Variants in SMG1 observed in about 807,000 individuals in gnomAD.
SMG1 encodes the protein SMG1 nonsense mediated mRNA decay associated PI3K related kinase.
A neutral mutation model predicts 419.9 loss-of-function variants in SMG1; 22 were observed. That is an observed-to-expected ratio of 0.05 (90% CI 0.04 to 0.07). The LOEUF is 0.07. Among genes scored for constraint, SMG1 ranks in the 10% least tolerant of loss-of-function variants. The pLI is 1.00. For synonymous variants in SMG1, 1,538 were observed against 1,553.5 expected, an observed-to-expected ratio of 0.99 and a Z score of 0.23; for missense variants, 3,185 against 4,342.0, an observed-to-expected ratio of 0.73 and a Z score of 7.49.
chr16:18,891,033 G>C (rs559006522), intron 4 of SMG1, 112 bp from the exon 5 acceptor site: 26 of 680,648 alleles, frequency 3.8e-5, no homozygotes, highest in African/African-American at 3.1e-4. Context: ...CAGTACTTTA[G>C]TTTCTTTATT....
At chr16:18,888,803 C>G (rs2036751345) in intron 6 of SMG1, among the ~76,000 whole-genome samples, 1 of 145,148 alleles carries the variant, frequency 6.9e-6, no homozygotes, top group African/African-American at 2.6e-5. Context: ...TATTTCAAAT[C>G]TAACTTCAAC....
intron 27 of SMG1, 118 bp downstream of exon 27, chr16:18,859,438 A>C: frequency 1.5e-6 from 1 of 645,612 alleles, no homozygotes; most frequent in Admixed American, 3.0e-5. Context: ...AACTAAAATG[A>C]AGCTATTAGC....
At chr16:18,886,039 T>C (rs2036598754) in intron 6 of SMG1, among the ~76,000 whole-genome samples, 1 of 152,206 alleles carries the variant, frequency 6.6e-6, no homozygotes, top group South Asian at 2.1e-4. Context: ...TTTTCTCTTC[T>C]TCAATGTTTG....
rs2033637913 is a variant in SMG1, at chr16:18,837,300, T to C, written c.7557A>G (p.Leu2519=). The C allele has an allele frequency of 6.2e-7, 1 of 1,614,036 alleles. No homozygotes were observed. The highest frequency in any genetic ancestry group is 1.1e-5 in the South Asian group (1 of 91,084). ...GATGATCCACCCCTTCAGCTCCTTC[T>C]AGAAACTCTATTTCCTCCAGTAGTT... ...QGKLLEEIEF[L]EGAEGVDHPS... The change falls in exon 46 of 63, where the codon CTA becomes CTG. Residue 2519 remains leucine (L), a synonymous_variant. Transcript: ENST00000446231.
In SMG1 at chr16:18,817,402, G is replaced by A. The variant is rs373532511; in HGVS notation, c.9963C>T (p.Asn3321=). ...SLRTRTAEAL[N]LDAALFELIK... ...TTAGTTCAAATAACGCCGCATCCAG[G>A]TTTAAGGCTTCTGCAGTTCTTGTTC... Residue 3321 remains asparagine (N), a synonymous_variant, in exon 57 of 63, where the codon AAC becomes AAT. Coordinates refer to ENST00000446231, the MANE Select transcript of SMG1 (RefSeq NM_015092.5). 2.2e-5 allele frequency: 36 copies of A among 1,605,834 alleles called. No individual in the cohort carries two copies. Among genetic ancestry groups the A allele is most frequent in the Non-Finnish European group, 2.9e-5 (34 of 1,175,706 alleles).
chr16:18,882,300 T>G lies in SMG1; in HGVS notation c.1158A>C (p.Glu386Asp). 6.2e-7 allele frequency: 1 copy of G among 1,609,692 alleles called. No individual in the cohort carries two copies. Among genetic ancestry groups the G allele is most frequent in the Non-Finnish European group, 8.5e-7 (1 of 1,178,690 alleles). Residue 386 changes from glutamate to aspartate, a missense_variant, in exon 10 of 63, where the codon GAA becomes GAC. Glu to Asp is a conservative substitution (Grantham distance 45). This residue lies in a region of SMG1 where 52 missense variants were observed against 69.0 expected (regional missense o/e 0.75). Transcript: ENST00000446231. ...ATGACACTGATGGAGGAGGGACATC[T>G]TCATCCACTGATTCCCCAGAGGCCA... ...SHVASGESVD[E>D]DVPPPSVSLP... is the part of the protein sequence containing the mutation.
rs745568022 is a variant in SMG1, at chr16:18,815,641, G to A, written c.10313C>T (p.Ala3438Val). 4.3e-6 allele frequency: 7 copies of A among 1,613,426 alleles called. No individual in the cohort carries two copies. In the South Asian group the frequency reaches 7.7e-5, roughly 18 times the overall value. Reference sequence around the variant, plus strand: ...AACATCTTCACCATCTGCCAGAGCAGCTTCTTCATCCTAGAATTGATAAAT... The same window carrying A: ...AACATCTTCACCATCTGCCAGAGCAACTTCTTCATCCTAGAATTGATAAAT... ...LLKAMAKDEE[A>V]ALADGEDVPY... Residue 3438 changes from alanine to valine, a missense_variant, in exon 59 of 63, where the codon GCT becomes GTT. Around this residue, in one of 27 missense-constraint regions of SMG1, gnomAD observed 737 missense variants for 846.6 expected, o/e 0.87. Transcript: ENST00000446231.
chr16:18,827,465 T>C (rs1567324984), intron 55 of SMG1, among the ~76,000 whole-genome samples: 1 of 146,160 alleles, frequency 6.8e-6, no homozygotes, highest in African/African-American at 2.5e-5. Context: ...CCTATATATA[T>C]ATATTTTTAT....
chr16:18,907,774 C>A (rs2037623286), intron 1 of SMG1, among the ~76,000 whole-genome samples: 1 of 142,238 alleles, frequency 7.0e-6, no homozygotes, highest in Non-Finnish European at 1.5e-5. Context: ...ATCATTTGAA[C>A]CCGGGAGGCA....
Position 18,836,126 on chromosome 16 carries a change from C to T in SMG1, c.7864G>A (p.Glu2622Lys). ...CTCTGCTGCAGGAGAGCACCAACCT[C>T]CCCCTCCAGCTGCTCGCACTGGCTA... is the stretch of plus-strand genomic sequence containing the variant. Reference protein sequence around the residue: ...LISQCEQLEGEVGALLQQRRS... With the variant: ...LISQCEQLEGKVGALLQQRRS... Residue 2622 changes from glutamate (E) to lysine (K), a missense_variant, in exon 48 of 63, where the codon GAG becomes AAG. Physicochemically the swap from Glu to Lys is moderately conservative, Grantham distance 56. Around this residue, in one of 27 missense-constraint regions of SMG1, gnomAD observed 412 missense variants for 546.6 expected, o/e 0.75. Coordinates refer to ENST00000446231, the MANE Select transcript of SMG1 (RefSeq NM_015092.5). 3 of 1,609,614 alleles carry T rather than the reference C, an allele frequency of 1.9e-6. No individual in the cohort carries two copies. Among genetic ancestry groups the T allele is most frequent in the Non-Finnish European group, 1.7e-6 (2 of 1,177,970 alleles).
At chr16:18,829,177 G>C in intron 54 of SMG1, 109 bp downstream of exon 54, 1 of 869,372 alleles carries the variant, frequency 1.2e-6, no homozygotes, top group Non-Finnish European at 1.7e-6. Flanking sequence ...GGGTTGCTGT[G>C]AGTTCAGGAA....
At position 18,839,871 on chromosome 16, in the gene SMG1, C is replaced by T. The variant is rs35572280; in HGVS notation, c.6772G>A (p.Gly2258Ser). 11 of 1,612,496 alleles carry T rather than the reference C, an allele frequency of 6.8e-6. No individual in the cohort carries two copies. The African/African-American group carries it at 1.1e-4, about 16-fold the overall frequency. The change falls in exon 42 of 63, where the codon GGC becomes AGC. Residue 2258 changes from glycine to serine, a missense_variant. Transcript: ENST00000446231. ...AGCCCAACTGTTTTCAAAGCAGGGC[C>T]AATTTTACTGTAATAAAGTTCACTA... ...RPSELYYSKIGPALKTVGLSL... is the reference protein window; with the variant it reads ...RPSELYYSKISPALKTVGLSL...
intron 1 of SMG1, among the ~76,000 whole-genome samples, chr16:18,911,892 G>A (rs1475563077): frequency 6.6e-6 from 1 of 151,984 alleles, no homozygotes; most frequent in Non-Finnish European, 1.5e-5. Flanking sequence ...GACCAGCCTG[G>A]CCAACATGGT....
chr16:18,838,627 T>C lies in SMG1; in HGVS notation c.7008A>G (p.Arg2336=). The change falls in exon 43 of 63, where the codon AGA becomes AGG. Residue 2336 remains arginine, a synonymous_variant. Coordinates refer to ENST00000446231, the MANE Select transcript of SMG1 (RefSeq NM_015092.5). The part of the protein sequence containing the change: ...MVGYIIGLGD[R]HLDNVLIDMT... ...TATCTATAAGAACATTATCCAGATG[T>C]CTGTCTCCAAGGCCAATTATGTATC... is the stretch of plus-strand genomic sequence containing the variant. 1 of 1,613,738 alleles carries C rather than the reference T, an allele frequency of 6.2e-7. No individual in the cohort carries two copies. Among genetic ancestry groups the C allele is most frequent in the Non-Finnish European group, 8.5e-7 (1 of 1,179,734 alleles).
chr16:18,847,331 G>A (rs538079986), intron 38 of SMG1, 122 bp downstream of exon 38: 5 of 994,494 alleles, frequency 5.0e-6, no homozygotes, highest in Non-Finnish European at 7.6e-6. Flanking sequence ...GTACAATATG[G>A]TGAATGTATT....
rs1055763572 is a variant in SMG1, at chr16:18,832,961, G to T, written c.8771C>A (p.Ala2924Asp). The change falls in exon 51 of 63, where the codon GCT becomes GAT. Residue 2924 changes from alanine (A) to aspartate (D), a missense_variant. This residue lies in a region of SMG1 where 737 missense variants were observed against 846.6 expected (regional missense o/e 0.87). Transcript: ENST00000446231. ...AAMGLEEETH[A>D]HYIDVARLLH... ...TTGCCTGGCAACATCGATGTAATGA[G>T]CATGTGTTTCTTCTTCCAGTCCCAT... The T allele has an allele frequency of 6.2e-7, 1 of 1,613,906 alleles. No homozygotes were observed. The highest frequency in any genetic ancestry group is 8.5e-7 in the Non-Finnish European group (1 of 1,179,834).
At chr16:18,874,560 T>TAA (rs531685275) in intron 13 of SMG1, among the ~76,000 whole-genome samples, 12 of 110,668 alleles carry the variant, frequency 1.1e-4, no homozygotes, top group Non-Finnish European at 1.5e-4. Context: ...TCGAATTACT[T>TAA]AAAAAAAAAA....
rs180927655 is a variant in SMG1, at chr16:18,816,311, A to G, written c.10293T>C (p.Ala3431=). 1.9e-6 allele frequency: 3 copies of G among 1,613,474 alleles called. No individual in the cohort carries two copies. The East Asian group carries it at 6.7e-5, about 36-fold the overall frequency. The stretch of plus-strand genomic sequence containing the variant: ...ATGGTATTAGTCTTACCTTAGCCAT[A>G]GCTTTCAAGAGATGTTTGACATCTC... ...QLGDVKHLLK[A]MAKDEEAALA... is the part of the protein sequence containing the mutation. The change falls in exon 58 of 63, where the codon GCT becomes GCC. Residue 3431 remains alanine (A), a synonymous_variant. Coordinates refer to ENST00000446231, the MANE Select transcript of SMG1 (RefSeq NM_015092.5).
At chr16:18,812,805 T>C (rs1007847416) in intron 60 of SMG1, among the ~76,000 whole-genome samples, 3 of 152,136 alleles carry the variant, frequency 2.0e-5, no homozygotes, top group African/African-American at 7.2e-5. Flanking sequence ...TATCTCCTAA[T>C]GCTATCCCTC....
Sources: gnomAD v4.1 joint callset for allele counts (sites outside exome capture counted in the v4.1 genomes callset) on GRCh38, gnomAD v4.1.1 for gene constraint, gnomAD v4.1.1 regional missense constraint, MANE v1.5 for transcripts, NCBI Gene and HGNC (gene_info 2026-07-23, HGNC 2026-07-21) for gene names.